NT5DC3: variants seen among roughly 807,000 people sequenced by gnomAD.
The protein encoded by NT5DC3 is 5'-nucleotidase domain-containing protein 3.
Under a neutral mutation model 67.8 loss-of-function variants are expected in NT5DC3, and 42 were observed. That is an observed-to-expected ratio of 0.62 (90% CI 0.48 to 0.80). NT5DC3 has a LOEUF of 0.80. NT5DC3 is among the 30% of genes least tolerant of loss of function. The pLI is 0.00. For missense variants in NT5DC3, 570 were observed against 696.4 expected (o/e 0.82, Z 2.04); for synonymous variants, 237 against 255.6 (o/e 0.93, Z 0.69).
intron 11 of NT5DC3, among the ~76,000 whole-genome samples, chr12:103,786,387 T>A (rs1408540535): frequency 6.6e-6 from 1 of 152,146 alleles, no homozygotes; most frequent in African/African-American, 2.4e-5. Flanking sequence ...GGCAGGAACA[T>A]GCTGGAGGGT....
the NT5DC3 span, chr12:103,746,640 C>T: frequency 3.1e-6 from 5 of 1,614,132 alleles, no homozygotes; most frequent in Non-Finnish European, 4.2e-6. Flanking sequence ...CTCATGCCAC[C>T]TGTAAGGAGA....
chr12:103,795,773 A>G (rs560210136), intron 6 of NT5DC3, among the ~76,000 whole-genome samples: 1 of 152,256 alleles, frequency 6.6e-6, no homozygotes, highest in South Asian at 2.1e-4. Flanking sequence ...CTTAAAGAAC[A>G]TATATAAATA....
At chr12:103,837,761 C>A (rs886468945) in intron 1 of NT5DC3, among the ~76,000 whole-genome samples, 2 of 152,240 alleles carry the variant, frequency 1.3e-5, no homozygotes, top group African/African-American at 4.8e-5. Context: ...TCACTATCAG[C>A]ATTTTTGTCA....
At position 103,795,054 on chromosome 12, in the gene NT5DC3, G is replaced by A. The variant is rs141568369; in HGVS notation, c.754-1057C>T. Reference sequence around the variant, plus strand: ...ACTGTTGCTGGGAGATTTCTGTTAAGAGTGAGCACTTCTGGACTGCAATCT... The same window carrying A: ...ACTGTTGCTGGGAGATTTCTGTTAAAAGTGAGCACTTCTGGACTGCAATCT... On this transcript the variant is annotated intron_variant, in intron 6 of 13. Transcript: ENST00000392876. Among the ~76,000 whole-genome samples, 700 of 152,322 alleles carry A rather than the reference G, an allele frequency of 4.6e-3. 3 individuals carry two copies. Among genetic ancestry groups the A allele is most frequent in the African/African-American group, 0.016 (671 of 41,558 alleles).
chr12:103,788,790 C>A (rs368562009), intron 10 of NT5DC3, 48 bp downstream of exon 10: 1 of 1,232,504 alleles, frequency 8.1e-7, no homozygotes, highest in Non-Finnish European at 1.2e-6. Flanking sequence ...AGCATTATTA[C>A]CGACCACAAA....
At chr12:103,840,205 C>T (rs1192432506) in intron 1 of NT5DC3, among the ~76,000 whole-genome samples, 1 of 152,170 alleles carries the variant, frequency 6.6e-6, no homozygotes, top group African/African-American at 2.4e-5. Context: ...AATCTACGTG[C>T]CCGGCACTGG....
chr12:103,815,276 T>C (rs148844059), intron 1 of NT5DC3, among the ~76,000 whole-genome samples, 155 bp from the exon 2 acceptor site: 2,457 of 152,260 alleles, frequency 0.016, 38 homozygotes, highest in Middle Eastern at 0.048. Context: ...AGACCACACG[T>C]TGCATGATCC....
At chr12:103,770,290 CAG>C (rs1411890282), downstream of NT5DC3, among the ~76,000 whole-genome samples, 1 of 152,056 alleles carries the variant, frequency 6.6e-6, no homozygotes, top group African/African-American at 2.4e-5. Flanking sequence ...TGTTCTATAA[CAG>C]AAAGACAAAG....
intron 2 of NT5DC3, 114 bp from the exon 3 acceptor site, chr12:103,807,043 G>A (rs900848121): frequency 6.1e-6 from 4 of 651,504 alleles, no homozygotes; most frequent in African/African-American, 3.6e-5. Context: ...TGGGAGGTTG[G>A]GGTCAGAAGG....
At position 103,831,532 on chromosome 12, in the gene NT5DC3, C is replaced by G. The variant is rs187874230; in HGVS notation, c.208+9417G>C. Among the ~76,000 whole-genome samples the G allele has an allele frequency of 2.6e-5, 4 of 152,214 alleles. No homozygotes were observed. In the South Asian group the frequency reaches 6.2e-4, roughly 24 times the overall value. ...GGGACACTTCCAAAACCTGCCCCCC[C>G]ACACACAGAAAAAATATCTAGAGCA... On this transcript the variant is annotated intron_variant, in intron 1 of 13. Coordinates refer to ENST00000392876, the MANE Select transcript of NT5DC3 (RefSeq NM_001031701.3).
rs189109085 is a variant in NT5DC3 at position 103,840,986 on chromosome 12, C to T, written c.171G>A (p.Leu57=). 1 of 1,328,388 alleles carries T rather than the reference C, an allele frequency of 7.5e-7. No individual in the cohort carries two copies. The allele number at this position is 1,328,388 out of a possible 1,614,324, so 82.3% of individuals were successfully genotyped here. A position where few individuals can be genotyped will look rare whatever the true frequency, so the allele number is the denominator to read the frequency against. Residue 57 remains leucine (L), a synonymous_variant, in exon 1 of 14, where the codon CTG becomes CTA. Coordinates refer to ENST00000392876, the MANE Select transcript of NT5DC3 (RefSeq NM_001031701.3). ...TCTTCGCCTCCCGGTAGCGCTCCCA[C>T]AGGTAGCGCTTCATGTCCGGGGCGG... ...PGTAPDMKRY[L]WERYREAKRS...
the NT5DC3 span, chr12:103,755,549 G>T: frequency 1.4e-5 from 23 of 1,610,196 alleles, 1 homozygote; most frequent in South Asian, 2.5e-4. Context: ...TCCCCAAGCA[G>T]AAGCAGTGCA....
chr12:103,791,180 T>TC (rs1321438694), intron 9 of NT5DC3, among the ~76,000 whole-genome samples: 1 of 152,074 alleles, frequency 6.6e-6, no homozygotes, highest in Non-Finnish European at 1.5e-5. Flanking sequence ...AAATAGATGT[T>TC]TGGGGGAGAG....
intron 1 of NT5DC3, among the ~76,000 whole-genome samples, chr12:103,826,566 G>A (rs538721580): frequency 6.6e-6 from 1 of 152,316 alleles, no homozygotes; most frequent in East Asian, 1.9e-4. Context: ...GTCTCCCCCA[G>A]AACCTCCAGA....
chr12:103,809,452 CTA>C (rs1886939474), intron 2 of NT5DC3, among the ~76,000 whole-genome samples: 1 of 152,174 alleles, frequency 6.6e-6, no homozygotes, highest in African/African-American at 2.4e-5. Context: ...CAGTGAGTGA[CTA>C]TATGAGTCCG....
chr12:103,774,577 G>A lies in NT5DC3; in HGVS notation c.*3252C>T, dbSNP rs56181523. 10,038 of 151,898 alleles carry A rather than the reference G, an allele frequency of 0.066. 400 individuals are homozygous for A. Among genetic ancestry groups the A allele is most frequent in the Middle Eastern group, 0.075 (22 of 294 alleles). 9.4% of individuals were successfully genotyped at this position (151,898 alleles called of 1,614,324 possible). A position where few individuals can be genotyped will look rare whatever the true frequency, so the allele number is the denominator to read the frequency against. On this transcript the variant is annotated 3_prime_UTR_variant, in exon 14 of 14. Transcript: ENST00000392876. ...TGGGCACCTGTAATCCCAGCTACTC[G>A]GGAGGCTGAGGCAGGAGAATCACTT...
At chr12:103,810,597 C>G (rs1002180241) in intron 2 of NT5DC3, among the ~76,000 whole-genome samples, 1 of 152,168 alleles carries the variant, frequency 6.6e-6, no homozygotes, top group Non-Finnish European at 1.5e-5. Flanking sequence ...AATTTAGGCC[C>G]AGTCTGGTTT....
In NT5DC3 at chr12:103,773,475, G is replaced by T. The variant is rs1460976357; in HGVS notation, c.*4354C>A. The T allele has an allele frequency of 6.6e-6, 1 of 152,110 alleles. No individual in the cohort carries two copies. Among genetic ancestry groups the T allele is most frequent in the Admixed American group, 6.5e-5 (1 of 15,278 alleles). 9.4% of individuals were successfully genotyped at this position (152,110 alleles called of 1,614,324 possible). A position where few individuals can be genotyped will look rare whatever the true frequency, so the allele number is the denominator to read the frequency against. The stretch of plus-strand genomic sequence containing the variant: ...CCTAAATGACACTAGTAGTGTCAAA[G>T]ATTACTGTTACTAAATGACACTAGT... On this transcript the variant is annotated 3_prime_UTR_variant, in exon 14 of 14. Transcript: ENST00000392876.
At chr12:103,788,687 C>A in intron 10 of NT5DC3, 151 bp downstream of exon 10, 3 of 616,874 alleles carry the variant, frequency 4.9e-6, no homozygotes, top group East Asian at 2.6e-5. Flanking sequence ...TGATTTAAAC[C>A]TAAGTTTACC....
Sources: allele counts gnomAD v4.1 joint callset (sites outside exome capture counted in the v4.1 genomes callset), GRCh38; gene constraint gnomAD v4.1.1; transcripts MANE v1.5; gene names NCBI Gene and HGNC (gene_info 2026-07-23, HGNC 2026-07-21).